The following SORBS2 variants were observed in gnomAD, a reference collection of about 807,000 sequenced individuals.
The protein encoded by SORBS2 is sorbin and SH3 domain-containing protein 2.
Under a neutral mutation model 97.7 loss-of-function variants are expected in SORBS2, and 46 were observed. The observed-to-expected ratio is 0.47, with a 90% CI of 0.37 to 0.60. The LOEUF is 0.60. Among genes scored for constraint, SORBS2 ranks in the 20% least tolerant of loss-of-function variants. The pLI is 0.00. For missense variants in SORBS2, 1,316 were observed against 1,282.3 expected (o/e 1.03, Z -0.40); for synonymous variants, 476 against 473.4 (o/e 1.01, Z -0.07).
chr4:185,885,489 A>T (rs192855860), intron 1 of SORBS2, among the ~76,000 whole-genome samples: 95 of 152,178 alleles, frequency 6.2e-4, no homozygotes, highest in Middle Eastern at 3.4e-3. Context: ...ATACACATAG[A>T]CTCCATTCAC....
At chr4:185,906,625 T>C (rs2099251013) in intron 1 of SORBS2, among the ~76,000 whole-genome samples, 1 of 152,186 alleles carries the variant, frequency 6.6e-6, no homozygotes, top group Non-Finnish European at 1.5e-5. Flanking sequence ...CACTCTACAA[T>C]GCAGTGCCCG....
intron 2 of SORBS2, among the ~76,000 whole-genome samples, chr4:185,742,907 C>T (rs1189308166): frequency 6.6e-6 from 1 of 152,174 alleles, no homozygotes; most frequent in East Asian, 1.9e-4. Flanking sequence ...CTCTATCTGA[C>T]ACACTCCACA....
chr4:185,669,959 C>T (rs970787355), intron 4 of SORBS2, among the ~76,000 whole-genome samples: 1 of 152,146 alleles, frequency 6.6e-6, no homozygotes, highest in African/African-American at 2.4e-5. Context: ...TGGCTCACAC[C>T]TGTAATCCCA....
At chr4:185,724,958 T>G (rs895620749) in intron 2 of SORBS2, among the ~76,000 whole-genome samples, 1 of 152,208 alleles carries the variant, frequency 6.6e-6, no homozygotes, top group Non-Finnish European at 1.5e-5. Context: ...TAGTGTCTTT[T>G]TCACCATTTA....
intron 4 of SORBS2, among the ~76,000 whole-genome samples, chr4:185,639,749 T>C (rs1285402465): frequency 2.6e-5 from 4 of 152,230 alleles, no homozygotes; most frequent in Non-Finnish European, 4.4e-5. Flanking sequence ...CCATTCACTC[T>C]GGCTAGGAGA....
intron 2 of SORBS2, 94 bp from the exon 12 acceptor site, chr4:185,649,750 G>T: frequency 1.4e-6 from 1 of 731,096 alleles, no homozygotes; most frequent in Non-Finnish European, 2.0e-6. Context: ...AATAGCCAAT[G>T]ATTGCATAGA....
At position 185,709,304 on chromosome 4, in the gene SORBS2, C is replaced by CCTTTTTT. The variant is rs1554199361; in HGVS notation, c.-197-30483_-197-30482insAAAAAAG. ...GCATGAGCCGCTGTGCTGGCCAAATCTTTTTTTTTTTTTTTTTTTTAGTAA... is the reference window on the plus strand; with the variant it reads ...GCATGAGCCGCTGTGCTGGCCAAATCCTTTTTTTTTTTTTTTTTTTTTTTTTTAGTAA... On this transcript the variant is annotated intron_variant, in intron 2 of 20. Transcript: ENST00000284776. 4.5e-3 allele frequency among the ~76,000 whole-genome samples: 437 copies of CCTTTTTT among 96,722 alleles called. 8 individuals carry two copies. The highest frequency in any genetic ancestry group is 7.3e-3 in the East Asian group (24 of 3,288). 63.5% of individuals were successfully genotyped at this position (96,722 alleles called of 152,430 possible).
chr4:185,797,771 C>CG lies in SORBS2; in HGVS notation c.-337-22406_-337-22405insC, dbSNP rs139263229. 7.5e-3 allele frequency among the ~76,000 whole-genome samples: 1,148 copies of CG among 152,246 alleles called. 10 individuals are homozygous for CG. The highest frequency in any genetic ancestry group is 0.027 in the African/African-American group (1,101 of 41,522). On this transcript the variant is annotated intron_variant, in intron 1 of 20. Transcript: ENST00000284776. ...TGACTGCAAAGCTCTTCCATGCCCC[C>CG]ACACCACCCCACGCCCGGTTCTCCC...
Position 185,630,613 on chromosome 4 carries a change from T to C in SORBS2, c.397-15A>G. 6.4e-7 allele frequency: 1 copy of C among 1,566,006 alleles called. No individual in the cohort carries two copies. The highest frequency in any genetic ancestry group is 8.7e-7 in the Non-Finnish European group (1 of 1,150,370). ...TACAAGGAGGCCTGTTAAGATAGGA[T>C]AATAGTACCATGAAAAATTTTACCG... On this transcript the variant is annotated splice_polypyrimidine_tract_variant and intron_variant, in intron 4 of 14. Transcript: ENST00000418609.
intron 2 of SORBS2, among the ~76,000 whole-genome samples, chr4:185,729,994 C>T (rs969872197): frequency 6.6e-6 from 1 of 151,954 alleles, no homozygotes; most frequent in Non-Finnish European, 1.5e-5. Context: ...GCTCTATCGC[C>T]CAGACTGGAG....
chr4:185,796,117 G>A (rs1369652391), intron 1 of SORBS2, among the ~76,000 whole-genome samples: 2 of 152,004 alleles, frequency 1.3e-5, no homozygotes, highest in African/African-American at 2.4e-5. Flanking sequence ...TGTTGCCCAG[G>A]GTGGTCTCAA....
intron 1 of SORBS2, among the ~76,000 whole-genome samples, chr4:185,818,106 C>A (rs978459107): frequency 6.6e-6 from 1 of 152,224 alleles, no homozygotes; most frequent in East Asian, 1.9e-4. Flanking sequence ...TGCGTGCTTG[C>A]AGAATATTGG....
chr4:185,600,907 TG>T (rs1202413381), intron 12 of SORBS2, among the ~76,000 whole-genome samples: 2 of 147,178 alleles, frequency 1.4e-5, no homozygotes, highest in African/African-American at 5.0e-5. Context: ...ACTGTTTTGG[TG>T]TTTTTTTTTT....
At position 185,669,287 on chromosome 4, in the gene SORBS2, G is replaced by A. The variant is rs555674157; in HGVS notation, c.-45-7045C>T. Among the ~76,000 whole-genome samples, 11 of 152,332 alleles carry A rather than the reference G, an allele frequency of 7.2e-5. No individual in the cohort carries two copies. The East Asian group carries it at 7.7e-4, about 11-fold the overall frequency. Reference sequence around the variant, plus strand: ...TTGGATGACAGGGAATGATGGGACCGATGGCAGAATGCGGAAGTCATGTTC... The same window carrying A: ...TTGGATGACAGGGAATGATGGGACCAATGGCAGAATGCGGAAGTCATGTTC... On this transcript the variant is annotated intron_variant, in intron 4 of 20. Transcript: ENST00000284776.
chr4:185,920,470 T>A (rs1417614191), intron 1 of SORBS2, among the ~76,000 whole-genome samples: 1 of 152,206 alleles, frequency 6.6e-6, no homozygotes, highest in African/African-American at 2.4e-5. Flanking sequence ...TTGTAACAGA[T>A]CCTGCTTCAT....
intron 14 of SORBS2, chr4:185,587,933 A>G: frequency 2.3e-6 from 1 of 431,772 alleles, no homozygotes; most frequent in East Asian, 4.4e-5. Context: ...CTAAACAGAA[A>G]TGCTGAGCCT....
chr4:185,745,015 G>C (rs953535295), intron 2 of SORBS2, among the ~76,000 whole-genome samples: 8 of 152,198 alleles, frequency 5.3e-5, no homozygotes, highest in Non-Finnish European at 1.2e-4. Flanking sequence ...GCTAAGGAGA[G>C]GGTAAAGAAA....
At chr4:185,726,202 A>G (rs890634988) in intron 2 of SORBS2, among the ~76,000 whole-genome samples, 7 of 152,202 alleles carry the variant, frequency 4.6e-5, no homozygotes, top group Admixed American at 3.9e-4. Context: ...TTAAAATTAC[A>G]CACAGTTTTA....
intron 4 of SORBS2, among the ~76,000 whole-genome samples, chr4:185,664,756 T>C (rs1460379264): frequency 1.3e-5 from 2 of 152,238 alleles, no homozygotes; most frequent in Non-Finnish European, 2.9e-5. Context: ...TTATAACATT[T>C]CTCTGCGCAT....
Sources: gnomAD v4.1 joint callset for allele counts (sites outside exome capture counted in the v4.1 genomes callset) on GRCh38, gnomAD v4.1.1 for gene constraint, MANE v1.5 for transcripts, NCBI Gene and HGNC (gene_info 2026-07-23, HGNC 2026-07-21) for gene names.